Variants in MYOZ2 observed in about 807,000 individuals in gnomAD.
MYOZ2 encodes the protein myozenin-2.
MYOZ2 carries 19 observed loss-of-function variants against 25.4 expected under a neutral mutation model. That is an observed-to-expected ratio of 0.75 (90% CI 0.52 to 1.10). The LOEUF (loss-of-function observed/expected upper bound fraction) is 1.10. Among genes scored for constraint, MYOZ2 ranks in the 50% least tolerant of loss-of-function variants. The pLI, the probability that MYOZ2 is intolerant of heterozygous loss-of-function variation, is 0.00. For missense variants in MYOZ2, 270 were observed against 317.9 expected (o/e 0.85, Z 1.15); for synonymous variants, 92 against 106.9 (o/e 0.86, Z 0.86).
At chr4:119,145,768 G>C (rs1741279190) in intron 2 of MYOZ2, among the ~76,000 whole-genome samples, 1 of 152,106 alleles carries the variant, frequency 6.6e-6, no homozygotes, top group Non-Finnish European at 1.5e-5. Flanking sequence ...TTTTGGGGCA[G>C]AGATTATGTG....
At chr4:119,151,550 T>C (rs368109479) in intron 3 of MYOZ2, among the ~76,000 whole-genome samples, 4 of 152,072 alleles carry the variant, frequency 2.6e-5, no homozygotes, top group African/African-American at 7.2e-5. Context: ...AAAAACTAGT[T>C]TGGATATAAC....
intron 2 of MYOZ2, among the ~76,000 whole-genome samples, chr4:119,139,657 A>G (rs1176702402): frequency 6.6e-6 from 1 of 152,210 alleles, no homozygotes; most frequent in African/African-American, 2.4e-5. Flanking sequence ...AGAAACTGGC[A>G]TCTGTTTAGA....
chr4:119,146,786 T>C (rs1741309935), intron 2 of MYOZ2, among the ~76,000 whole-genome samples: 1 of 152,188 alleles, frequency 6.6e-6, no homozygotes, highest in East Asian at 1.9e-4. Context: ...TTCTGCCTAG[T>C]TGTTCTATCA....
At chr4:119,136,732 T>G in intron 2 of MYOZ2, 131 bp downstream of exon 2, 39 of 903,008 alleles carry the variant, frequency 4.3e-5, no homozygotes, top group Non-Finnish European at 6.0e-5. Context: ...CCTGGAGCTC[T>G]AGGGGGTGTA....
At chr4:119,146,001 T>A (rs1472469281) in intron 2 of MYOZ2, among the ~76,000 whole-genome samples, 1 of 152,188 alleles carries the variant, frequency 6.6e-6, no homozygotes, top group Admixed American at 6.5e-5. Context: ...TTATGTGAAT[T>A]TATATGTAGA....
intron 4 of MYOZ2, 39 bp downstream of exon 4, chr4:119,158,190 G>T: frequency 1.9e-6 from 3 of 1,608,072 alleles, no homozygotes; most frequent in Non-Finnish European, 2.6e-6. Flanking sequence ...TAAAATTTCT[G>T]TGTACCTAAT....
intron 4 of MYOZ2, among the ~76,000 whole-genome samples, chr4:119,161,700 G>T (rs1344994937): frequency 1.3e-5 from 2 of 151,994 alleles, no homozygotes; most frequent in Non-Finnish European, 2.9e-5. Flanking sequence ...AATGGGAAAA[G>T]ATTACATAAC....
At chr4:119,136,352 C>T (rs1042395103) in intron 1 of MYOZ2, among the ~76,000 whole-genome samples, 160 bp from the exon 2 acceptor site, 1 of 152,186 alleles carries the variant, frequency 6.6e-6, no homozygotes, top group African/African-American at 2.4e-5. Context: ...GAATAACATA[C>T]TCTGTCACCA....
At chr4:119,148,914 AT>A (rs919295610) in intron 2 of MYOZ2, among the ~76,000 whole-genome samples, 50 of 149,046 alleles carry the variant, frequency 3.4e-4, no homozygotes, top group South Asian at 1.5e-3. Context: ...TTGGCATTTG[AT>A]TTTTTTTTTA....
intron 5 of MYOZ2, among the ~76,000 whole-genome samples, chr4:119,172,632 C>T (rs995100789): frequency 6.6e-6 from 1 of 152,194 alleles, no homozygotes; most frequent in African/African-American, 2.4e-5. Flanking sequence ...AATCTTGCAG[C>T]TTCCAGTTGC....
chr4:119,137,465 A>G (rs749074038), intron 2 of MYOZ2, among the ~76,000 whole-genome samples: 14 of 152,110 alleles, frequency 9.2e-5, no homozygotes, highest in Non-Finnish European at 1.5e-4. Flanking sequence ...TTTCCCCTGT[A>G]TTGACAAGGA....
intron 3 of MYOZ2, among the ~76,000 whole-genome samples, chr4:119,154,573 C>T (rs979885424): frequency 1.3e-5 from 2 of 151,986 alleles, no homozygotes; most frequent in Admixed American, 1.3e-4. Context: ...ATTACAATTC[C>T]TGGAAATTAA....
intron 5 of MYOZ2, among the ~76,000 whole-genome samples, chr4:119,175,232 G>GA (rs1300210947): frequency 2.6e-5 from 4 of 151,916 alleles, no homozygotes; most frequent in Non-Finnish European, 5.9e-5. Context: ...AAATCGGTAG[G>GA]AAAAAAACAA....
intron 3 of MYOZ2, among the ~76,000 whole-genome samples, chr4:119,156,233 G>A (rs566715876): frequency 2.0e-5 from 3 of 151,940 alleles, no homozygotes; most frequent in African/African-American, 7.2e-5. Context: ...GGGTCCTCTT[G>A]CTAGGGGAAC....
chr4:119,154,245 T>A (rs78724440), intron 3 of MYOZ2, among the ~76,000 whole-genome samples: 6,072 of 152,206 alleles, frequency 0.04, 426 homozygotes, highest in African/African-American at 0.14. Flanking sequence ...ATGTAAAGCA[T>A]CTTCTATGCA....
Position 119,186,617 on chromosome 4 carries a change from A to C in MYOZ2, c.*417A>C, listed in dbSNP as rs1415805345. ...TTCATCTGGGGATGAAAGCTATGGA[A>C]GATGATGTACAAATGTTATTGATGG... On this transcript the variant is annotated 3_prime_UTR_variant, in exon 6 of 6. Coordinates refer to ENST00000307128, the MANE Select transcript of MYOZ2 (RefSeq NM_016599.5). 3 of 196,604 alleles carry C rather than the reference A, an allele frequency of 1.5e-5. No individual in the cohort carries two copies. Among genetic ancestry groups the C allele is most frequent in the African/African-American group, 7.2e-5 (3 of 41,858 alleles). 12.2% of individuals were successfully genotyped at this position (196,604 alleles called of 1,614,324 possible). A position where few individuals can be genotyped will look rare whatever the true frequency, so the allele number is the denominator to read the frequency against.
intron 5 of MYOZ2, among the ~76,000 whole-genome samples, chr4:119,166,930 C>T (rs899926596): frequency 3.3e-5 from 5 of 152,198 alleles, no homozygotes; most frequent in African/African-American, 9.7e-5. Flanking sequence ...TGACCAGCCA[C>T]TCCCCCATCT....
At chr4:119,155,477 G>A (rs2149222722) in intron 3 of MYOZ2, among the ~76,000 whole-genome samples, 1 of 152,280 alleles carries the variant, frequency 6.6e-6, no homozygotes, top group South Asian at 2.1e-4. Flanking sequence ...GATTAAGTTA[G>A]TTAGAAAGAA....
chr4:119,176,366 G>A (rs1216891694), intron 5 of MYOZ2, among the ~76,000 whole-genome samples: 2 of 152,024 alleles, frequency 1.3e-5, no homozygotes, highest in Admixed American at 6.5e-5. Flanking sequence ...GATTACAAGC[G>A]CCTGCCACCA....
Sources: gnomAD v4.1 joint callset for allele counts (sites outside exome capture counted in the v4.1 genomes callset) on GRCh38, gnomAD v4.1.1 for gene constraint, MANE v1.5 for transcripts, NCBI Gene and HGNC (gene_info 2026-07-23, HGNC 2026-07-21) for gene names.